The following NCKAP5 variants were observed in gnomAD, a reference collection of about 807,000 sequenced individuals.
NCKAP5 encodes nck-associated protein 5.
Under a neutral mutation model 167.0 loss-of-function variants are expected in NCKAP5, and 92 were observed. The ratio of observed to expected loss-of-function variants is 0.55; its 90% confidence interval spans 0.47 to 0.66. The LOEUF (loss-of-function observed/expected upper bound fraction) is 0.66, where lower values mean the gene tolerates loss of function less well. Ranked by LOEUF, NCKAP5 falls within the 30% of genes least tolerant of loss-of-function variation. The pLI is 0.00. For synonymous variants in NCKAP5, 891 were observed against 877.4 expected, an observed-to-expected ratio of 1.02 and a Z score of -0.27; for missense variants, 2,378 against 2,315.0, an observed-to-expected ratio of 1.03 and a Z score of -0.56.
chr2:132,776,699 A>T (rs72989565), intron 15 of NCKAP5, among the ~76,000 whole-genome samples: 3,482 of 152,264 alleles, frequency 0.023, 112 homozygotes, highest in East Asian at 0.1. Flanking sequence ...TGAGTAATTA[A>T]AAAAAATCCA....
intron 4 of NCKAP5, among the ~76,000 whole-genome samples, chr2:133,246,673 T>G (rs953651218): frequency 3.9e-5 from 6 of 152,224 alleles, no homozygotes; most frequent in Non-Finnish European, 7.3e-5. Flanking sequence ...ATATTTGCAT[T>G]TATATGCATA....
At chr2:133,285,328 C>A (rs571674659) in intron 4 of NCKAP5, among the ~76,000 whole-genome samples, 3 of 152,180 alleles carry the variant, frequency 2.0e-5, no homozygotes, top group Non-Finnish European at 4.4e-5. Context: ...TTTACATAAT[C>A]ATTTTTCATT....
intron 3 of NCKAP5, among the ~76,000 whole-genome samples, chr2:133,379,951 GAAAGATGTTCATACT>G (rs1218643503): frequency 5.3e-5 from 8 of 152,108 alleles, no homozygotes; most frequent in Admixed American, 3.9e-4. Flanking sequence ...TACATAATTG[GAAAGATGTTCATACT>G]ATTACAATAT....
intron 4 of NCKAP5, among the ~76,000 whole-genome samples, chr2:133,297,348 G>C (rs775244953): frequency 3.3e-5 from 5 of 152,068 alleles, no homozygotes; most frequent in Non-Finnish European, 5.9e-5. Flanking sequence ...AGGATTTGTT[G>C]CTATCAAAAA....
In NCKAP5 at chr2:132,860,515, G is replaced by T. The variant is rs200754455; in HGVS notation, c.784C>A (p.Pro262Thr). The T allele has an allele frequency of 7.6e-5, 120 of 1,581,162 alleles. 1 individual carries two copies. In the African/African-American group the frequency reaches 1.1e-3, roughly 15 times the overall value. Residue 262 changes from proline (P) to threonine (T), a missense_variant, in exon 11 of 20, where the codon CCC (proline) becomes ACC (threonine). This residue lies in a region of NCKAP5 where 1,049 missense variants were observed against 1,023.4 expected (regional missense o/e 1.02). Coordinates refer to ENST00000409261, the MANE Select transcript of NCKAP5 (RefSeq NM_207363.3). ...ACCTGGAGGAGCAGATCAGAAGTGG[G>T]TCTGACTCGCTGTTGGAATAGGATG... ...LSILFQQRVRPTSDLLLQKLH... is the reference protein window; with the variant it reads ...LSILFQQRVRTTSDLLLQKLH...
intron 19 of NCKAP5, among the ~76,000 whole-genome samples, chr2:132,712,513 G>A (rs890029421): frequency 2.0e-5 from 3 of 152,110 alleles, no homozygotes; most frequent in African/African-American, 4.8e-5. Flanking sequence ...TTAGCCGGGT[G>A]TAGAGGCGGG....
Position 133,286,188 on chromosome 2 carries a change from C to CG in NCKAP5, c.143+16848dup, listed in dbSNP as rs577681245. 3.7e-3 allele frequency among the ~76,000 whole-genome samples: 562 copies of CG among 151,972 alleles called. 3 individuals carry two copies. The highest frequency in any genetic ancestry group is 6.1e-3 in the Non-Finnish European group (415 of 67,946). On this transcript the variant is annotated intron_variant, in intron 4 of 19. Transcript: ENST00000409261. ...TTTTTTTTGTATTTTTTAGTAGAGA[C>CG]GGGGTTTCACTGTTAACCAGGATGG...
chr2:133,477,077 T>A (rs537613009), intron 3 of NCKAP5, among the ~76,000 whole-genome samples: 88 of 152,342 alleles, frequency 5.8e-4, no homozygotes, highest in African/African-American at 1.9e-3. Context: ...AGCACTATTT[T>A]AATCATGATA....
chr2:133,266,430 G>A (rs984382652), intron 4 of NCKAP5: 1 of 152,710 alleles, frequency 6.5e-6, no homozygotes, highest in African/African-American at 2.4e-5. Flanking sequence ...GGGGTAGTGG[G>A]AGCCAGGTGC....
At chr2:133,658,144 T>C in the NCKAP5 span, among the ~76,000 whole-genome samples, 1 of 113,842 alleles carries the variant, frequency 8.8e-6, no homozygotes, top group Non-Finnish European at 1.6e-5. Flanking sequence ...CATTGAAGGG[T>C]GCGAACACAT....
chr2:133,612,028 T>A, the NCKAP5 span, among the ~76,000 whole-genome samples: 17 of 152,310 alleles, frequency 1.1e-4, no homozygotes, highest in African/African-American at 3.8e-4. Flanking sequence ...CTGTTAACTT[T>A]GCCCACAAGT....
chr2:133,068,483 C>T (rs2080275818), intron 6 of NCKAP5, among the ~76,000 whole-genome samples: 1 of 152,200 alleles, frequency 6.6e-6, no homozygotes, highest in South Asian at 2.1e-4. Context: ...AGGCAATGGG[C>T]AACACACTTG....
the NCKAP5 span, among the ~76,000 whole-genome samples, chr2:133,589,729 T>C: frequency 6.6e-6 from 1 of 152,136 alleles, no homozygotes; most frequent in Non-Finnish European, 1.5e-5. Context: ...CATCCAGAAA[T>C]ATCTGGACCA....
At chr2:133,369,488 A>G (rs1685662675) in intron 3 of NCKAP5, among the ~76,000 whole-genome samples, 1 of 152,248 alleles carries the variant, frequency 6.6e-6, no homozygotes, top group African/African-American at 2.4e-5. Flanking sequence ...CTTGTTCGTT[A>G]AAGTTATAAC....
chr2:132,735,203 C>T (rs1691396453), intron 16 of NCKAP5, among the ~76,000 whole-genome samples: 1 of 152,194 alleles, frequency 6.6e-6, no homozygotes, highest in African/African-American at 2.4e-5. Flanking sequence ...ACTTTGCCTC[C>T]TGATATGGTT....
chr2:133,107,924 T>A (rs547080545), intron 6 of NCKAP5, among the ~76,000 whole-genome samples: 5 of 152,342 alleles, frequency 3.3e-5, no homozygotes, highest in Non-Finnish European at 7.3e-5. Flanking sequence ...TCTTGTCATT[T>A]GAAAAACTGA....
At chr2:132,831,672 T>C (rs976026773) in intron 11 of NCKAP5, among the ~76,000 whole-genome samples, 1 of 152,098 alleles carries the variant, frequency 6.6e-6, no homozygotes, top group Non-Finnish European at 1.5e-5. Flanking sequence ...TTCTTGTCTT[T>C]TAACTTTATT....
intron 3 of NCKAP5, among the ~76,000 whole-genome samples, chr2:133,343,294 T>C (rs981019413): frequency 6.6e-6 from 1 of 151,992 alleles, no homozygotes; most frequent in Non-Finnish European, 1.5e-5. Context: ...TTAATAGCTA[T>C]CTTGAAGAAT....
chr2:132,783,546 T>G lies in NCKAP5; in HGVS notation c.3265A>C (p.Lys1089Gln). The G allele has an allele frequency of 6.2e-7, 1 of 1,613,924 alleles. No homozygotes were observed. ...TSSKSVSPGRKGQLNDSASTP... is the reference protein window; with the variant it reads ...TSSKSVSPGRQGQLNDSASTP... ...GAGGCGCTATCATTCAATTGTCCTT[T>G]TCTCCCTGGAGATACACTTTTGGAG... Residue 1089 changes from lysine (K) to glutamine (Q), a missense_variant, in exon 14 of 20, where the codon AAA (lysine) becomes CAA (glutamine). By Grantham distance (53) the Lys-to-Gln change is moderately conservative. Transcript: ENST00000409261.
Sources: allele counts gnomAD v4.1 joint callset (sites outside exome capture counted in the v4.1 genomes callset), GRCh38; gene constraint gnomAD v4.1.1; regional missense constraint gnomAD v4.1.1; transcripts MANE v1.5; gene names NCBI Gene and HGNC (gene_info 2026-07-23, HGNC 2026-07-21).